Variants in ZWILCH observed in about 807,000 individuals in gnomAD.
ZWILCH encodes zwilch kinetochore protein, also known as protein zwilch homolog.
In ZWILCH, 74 loss-of-function variants were observed where a neutral mutation model predicts 79.9. That is an observed-to-expected ratio of 0.93 (90% CI 0.77 to 1.12). The LOEUF (loss-of-function observed/expected upper bound fraction) is 1.12. Ranked by LOEUF, ZWILCH falls within the 50% of genes most tolerant of loss-of-function variation. The pLI is 0.00. For synonymous variants in ZWILCH, 241 were observed against 228.2 expected, an observed-to-expected ratio of 1.06 and a Z score of -0.51; for missense variants, 694 against 687.5, an observed-to-expected ratio of 1.01 and a Z score of -0.11.
chr15:66,519,181 C>A, intron 5 of ZWILCH, 103 bp downstream of exon 5: 1 of 1,120,534 alleles, frequency 8.9e-7, no homozygotes, highest in Admixed American at 1.9e-5. Context: ...TGAAAGTGCA[C>A]AAGGTAGAAC....
At position 66,523,694 on chromosome 15, in the gene ZWILCH, A is replaced by C. The variant is rs762032683; in HGVS notation, c.765A>C (p.Ser255=). 1 of 1,611,910 alleles carries C rather than the reference A, an allele frequency of 6.2e-7. No homozygotes were observed. The highest frequency in any genetic ancestry group is 2.2e-5 in the East Asian group (1 of 44,830). The change falls in exon 8 of 19, where the codon TCA becomes TCC. Residue 255 remains serine (S), a synonymous_variant. Coordinates refer to ENST00000307897, the MANE Select transcript of ZWILCH (RefSeq NM_017975.5). The part of the protein sequence containing the change: ...STATLNIKVE[S]GEPRGPLNHL... ...CTTTTTAGAATATTAAAGTGGAATC[A>C]GGAGAGCCCAGAGGTCCTTTGAATC... is the stretch of plus-strand genomic sequence containing the variant.
chr15:66,512,406 A>T (rs117272394), intron 2 of ZWILCH, among the ~76,000 whole-genome samples: 1,804 of 149,570 alleles, frequency 0.012, 65 homozygotes, highest in East Asian at 0.075. Context: ...CTACCAGTGC[A>T]CCACCATACC....
chr15:66,516,252 C>G (rs1894250751), intron 4 of ZWILCH, among the ~76,000 whole-genome samples: 1 of 152,192 alleles, frequency 6.6e-6, no homozygotes. Context: ...AGTAGTGCCC[C>G]TGTTAGAAAC....
intron 4 of ZWILCH, among the ~76,000 whole-genome samples, chr15:66,515,857 T>C (rs1894232468): frequency 6.6e-6 from 1 of 152,226 alleles, no homozygotes; most frequent in South Asian, 2.1e-4. Context: ...TCCCTTTCTC[T>C]ACACCTCTAT....
At chr15:66,517,952 C>T (rs891716013) in intron 4 of ZWILCH, among the ~76,000 whole-genome samples, 10 of 151,600 alleles carry the variant, frequency 6.6e-5, no homozygotes, top group South Asian at 4.2e-4. Context: ...AGGCTGGTCT[C>T]GAACTCCTGA....
At chr15:66,505,512 G>A in intron 1 of ZWILCH, 121 bp downstream of exon 1, 8 of 1,259,220 alleles carry the variant, frequency 6.4e-6, no homozygotes, top group African/African-American at 1.5e-5. Context: ...GCTTTCCTGG[G>A]GTCCAGGAGT....
chr15:66,506,485 A>G (rs538574882), intron 1 of ZWILCH, among the ~76,000 whole-genome samples: 4 of 152,266 alleles, frequency 2.6e-5, no homozygotes, highest in African/African-American at 7.2e-5. Flanking sequence ...CCTGGCCAAC[A>G]TGGCAAGACC....
intron 16 of ZWILCH, among the ~76,000 whole-genome samples, chr15:66,537,568 A>G (rs1038800063): frequency 6.6e-6 from 1 of 151,886 alleles, no homozygotes; most frequent in Non-Finnish European, 1.5e-5. Flanking sequence ...GCATGCACCT[A>G]TAATCCCAGC....
chr15:66,539,847 A>G (rs888386323), intron 16 of ZWILCH, among the ~76,000 whole-genome samples: 1 of 151,876 alleles, frequency 6.6e-6, no homozygotes, highest in Non-Finnish European at 1.5e-5. Flanking sequence ...TCCGAGTTAC[A>G]TTCCTCTCTT....
intron 17 of ZWILCH, among the ~76,000 whole-genome samples, chr15:66,544,465 T>TG (rs1291050991): frequency 6.6e-6 from 1 of 151,418 alleles, no homozygotes; most frequent in East Asian, 2.0e-4. Context: ...CCAAGTAGCT[T>TG]GGGACTATGG....
intron 7 of ZWILCH, chr15:66,523,417 G>C (rs931163805): frequency 3.2e-6 from 1 of 315,390 alleles, no homozygotes; most frequent in Admixed American, 4.7e-5. Flanking sequence ...TGTGTGAGGA[G>C]GGCAGTTGTT....
intron 11 of ZWILCH, among the ~76,000 whole-genome samples, chr15:66,529,185 G>A (rs7350767): frequency 6.6e-6 from 1 of 151,940 alleles, no homozygotes; most frequent in Non-Finnish European, 1.5e-5. Flanking sequence ...ATAAGACTTA[G>A]GTAATTTTCA....
intron 8 of ZWILCH, among the ~76,000 whole-genome samples, chr15:66,525,988 T>C (rs1272320258): frequency 1.3e-5 from 2 of 152,082 alleles, no homozygotes; most frequent in Non-Finnish European, 2.9e-5. Flanking sequence ...GGTCTTGAAC[T>C]CCTGACCTCA....
rs1320200342 is a variant in ZWILCH at position 66,542,090 on chromosome 15, GA to G, written c.1687+1882del. Among the ~76,000 whole-genome samples the G allele has an allele frequency of 7.9e-5, 12 of 152,144 alleles. No individual in the cohort carries two copies. In the East Asian group the frequency reaches 1.5e-3, roughly 20 times the overall value. Reference sequence around the variant, plus strand: ...AAACCTGGAAGTGATAAAAGACTGAGAATCAGCTGTAAAAGTAGAAAAATTT... The same window carrying G: ...AAACCTGGAAGTGATAAAAGACTGAGATCAGCTGTAAAAGTAGAAAAATTT... On this transcript the variant is annotated intron_variant, in intron 17 of 18. Transcript: ENST00000307897.
intron 7 of ZWILCH, among the ~76,000 whole-genome samples, chr15:66,521,456 GT>G (rs1894491025): frequency 1.3e-5 from 2 of 152,062 alleles, no homozygotes; most frequent in African/African-American, 2.4e-5. Flanking sequence ...GATGAATAAA[GT>G]TTTTGAGTGG....
rs1174101722 is a variant in ZWILCH at position 66,532,330 on chromosome 15, G to A, written c.1239G>A (p.Gly413=). The part of the protein sequence containing the change: ...HGTMDTVSLS[G]TIPVQMLLEI... ...CCATGGACACAGTTTCTCTCAGTGG[G>A]ACTATTCCAGTTCAAATGCTTTTGG... Residue 413 remains glycine (G), a synonymous_variant, in exon 13 of 19, where the codon GGG becomes GGA. Coordinates refer to ENST00000307897, the MANE Select transcript of ZWILCH (RefSeq NM_017975.5). 1 of 1,612,446 alleles carries A rather than the reference G, an allele frequency of 6.2e-7. No homozygotes were observed.
chr15:66,511,126 C>A lies in ZWILCH; in HGVS notation c.105+2234C>A, dbSNP rs79534888. Among the ~76,000 whole-genome samples, 285 of 152,204 alleles carry A rather than the reference C, an allele frequency of 1.9e-3. 5 individuals are homozygous for A. The East Asian group carries it at 0.049, about 26-fold the overall frequency. On this transcript the variant is annotated intron_variant, in intron 2 of 18. Coordinates refer to ENST00000307897, the MANE Select transcript of ZWILCH (RefSeq NM_017975.5). ...CTTGGTTTCTTCATGCTTTAATATC[C>A]AAACTAAGAAACCAAATGGATTCAA...
At chr15:66,521,908 A>G (rs764170504) in intron 7 of ZWILCH, among the ~76,000 whole-genome samples, 4 of 152,218 alleles carry the variant, frequency 2.6e-5, no homozygotes, top group African/African-American at 9.6e-5. Context: ...TTAAGAAATC[A>G]GTCAAAATTG....
At chr15:66,525,431 T>C (rs759304751) in intron 8 of ZWILCH, among the ~76,000 whole-genome samples, 5 of 152,252 alleles carry the variant, frequency 3.3e-5, no homozygotes, top group Non-Finnish European at 7.3e-5. Context: ...ATTTTATAAA[T>C]GGATAGGATT....
Sources: gnomAD v4.1 joint callset for allele counts (sites outside exome capture counted in the v4.1 genomes callset) on GRCh38, gnomAD v4.1.1 for gene constraint, MANE v1.5 for transcripts, NCBI Gene and HGNC (gene_info 2026-07-23, HGNC 2026-07-21) for gene names.